Variants in MBNL2 observed in about 807,000 individuals in gnomAD.
The protein encoded by MBNL2 is muscleblind like splicing regulator 2.
MBNL2 carries 17 observed loss-of-function variants against 41.9 expected under a neutral mutation model. The ratio of observed to expected loss-of-function variants is 0.41; its 90% CI spans 0.28 to 0.61. MBNL2 has a LOEUF of 0.61. Ranked by LOEUF, MBNL2 falls within the 20% of genes least tolerant of loss-of-function variation. MBNL2 has a pLI of 0.35. For missense variants in MBNL2, 336 were observed against 505.6 expected, an observed-to-expected ratio of 0.66 and a Z score of 3.22; for synonymous variants, 195 against 182.9, an observed-to-expected ratio of 1.07 and a Z score of -0.53.
At chr13:97,322,287 T>C (rs78257056) in intron 2 of MBNL2, among the ~76,000 whole-genome samples, 18 of 152,242 alleles carry the variant, frequency 1.2e-4, no homozygotes, top group East Asian at 3.9e-4. Flanking sequence ...GGCTGTTTTT[T>C]CTGAAAAAAG....
chr13:97,151,199 C>T, the MBNL2 span, among the ~76,000 whole-genome samples: 10 of 152,270 alleles, frequency 6.6e-5, no homozygotes, highest in Admixed American at 1.3e-4. Flanking sequence ...AACTGAATTG[C>T]ACTTCAGAAA....
intron 7 of MBNL2, among the ~76,000 whole-genome samples, chr13:97,358,516 TAAAAG>T (rs1465022023): frequency 2.1e-4 from 32 of 152,210 alleles, no homozygotes; most frequent in African/African-American, 6.7e-4. Context: ...AAAAGTCAGA[TAAAAG>T]TAAAAAAACA....
the MBNL2 span, among the ~76,000 whole-genome samples, chr13:97,153,694 A>T: frequency 6.6e-6 from 1 of 152,200 alleles, no homozygotes; most frequent in South Asian, 2.1e-4. Context: ...ATCAAAGCAT[A>T]ATATGTACCT....
At chr13:97,251,530 A>T (rs1472593147) in intron 1 of MBNL2, among the ~76,000 whole-genome samples, 1 of 139,830 alleles carries the variant, frequency 7.2e-6, no homozygotes, top group Non-Finnish European at 1.5e-5. Flanking sequence ...TGCACAAAAA[A>T]GTCAGAAGCT....
At chr13:97,167,059 G>A in the MBNL2 span, among the ~76,000 whole-genome samples, 4 of 152,228 alleles carry the variant, frequency 2.6e-5, no homozygotes, top group South Asian at 6.2e-4. Flanking sequence ...GAAATGCCTT[G>A]AATATTACAG....
At chr13:97,226,896 T>C (rs1014700744) in intron 1 of MBNL2, among the ~76,000 whole-genome samples, 1 of 152,148 alleles carries the variant, frequency 6.6e-6, no homozygotes, top group Non-Finnish European at 1.5e-5. Flanking sequence ...CAGGAAGTCT[T>C]AGACTCCTGT....
At chr13:97,270,519 T>G (rs1024351971) in intron 1 of MBNL2, among the ~76,000 whole-genome samples, 1 of 152,206 alleles carries the variant, frequency 6.6e-6, no homozygotes, top group Non-Finnish European at 1.5e-5. Context: ...CTTGGTCTAA[T>G]CACACTAAAA....
the MBNL2 span, among the ~76,000 whole-genome samples, chr13:97,145,492 G>C: frequency 6.6e-6 from 1 of 152,256 alleles, no homozygotes; most frequent in Non-Finnish European, 1.5e-5. Flanking sequence ...GAACCTAGGT[G>C]TCTGAGGATG....
At chr13:97,188,538 C>A in the MBNL2 span, among the ~76,000 whole-genome samples, 7 of 152,006 alleles carry the variant, frequency 4.6e-5, no homozygotes, top group Non-Finnish European at 1.0e-4. Flanking sequence ...CTGCTTCCTG[C>A]AGCTTTCTGA....
In MBNL2 at chr13:97,334,250, C is replaced by A. The variant is rs1356318464; in HGVS notation, c.175-26C>A. 1.9e-6 allele frequency: 3 copies of A among 1,590,316 alleles called. No homozygotes were observed. The highest frequency in any genetic ancestry group is 2.3e-5 in the South Asian group (2 of 86,816). ...GGAGTTGCAAGCTACTTAAAATAGT[C>A]CTAAAACCAACACTTGTTTTTACAG... On this transcript the variant is annotated intron_variant, in intron 2 of 8. Coordinates refer to ENST00000679496, the MANE Select transcript of MBNL2 (RefSeq NM_001382683.1). The surrounding 1 kb of genome is among the most constrained non-coding windows in gnomAD (Gnocchi z 5.3).
At chr13:97,234,774 G>A (rs1445271398) in intron 1 of MBNL2, among the ~76,000 whole-genome samples, 2 of 152,272 alleles carry the variant, frequency 1.3e-5, no homozygotes, top group South Asian at 2.1e-4. Context: ...AGTGTTTAGA[G>A]ATAAGGTACA....
intron 1 of MBNL2, among the ~76,000 whole-genome samples, chr13:97,271,112 GT>G (rs369155404): frequency 0.44 from 58,487 of 133,132 alleles, 12,038 homozygotes; most frequent in East Asian, 0.52. Context: ...GCTCTTTTTT[GT>G]TTTTTTTTTT....
At chr13:97,256,436 G>A (rs1041181253) in intron 1 of MBNL2, among the ~76,000 whole-genome samples, 1 of 151,958 alleles carries the variant, frequency 6.6e-6, no homozygotes, top group African/African-American at 2.4e-5. Flanking sequence ...CTGGGAAATT[G>A]GTTATAGCAA....
chr13:97,304,754 C>T (rs2057966486), intron 2 of MBNL2, among the ~76,000 whole-genome samples: 1 of 152,116 alleles, frequency 6.6e-6, no homozygotes, highest in Non-Finnish European at 1.5e-5. Context: ...TGCATTATTA[C>T]ATATATATTA....
chr13:97,349,842 A>G (rs1187019319), intron 5 of MBNL2, among the ~76,000 whole-genome samples: 4 of 152,212 alleles, frequency 2.6e-5, no homozygotes, highest in African/African-American at 9.6e-5. Context: ...ACCCAGGACC[A>G]AGGCTTTGGA....
intron 1 of MBNL2, among the ~76,000 whole-genome samples, chr13:97,244,786 A>G (rs1222744364): frequency 6.6e-6 from 1 of 152,192 alleles, no homozygotes; most frequent in East Asian, 1.9e-4. Context: ...TGGGTGAGAG[A>G]TACACCAGGT....
chr13:97,167,657 A>G, the MBNL2 span, among the ~76,000 whole-genome samples: 1 of 152,198 alleles, frequency 6.6e-6, no homozygotes, highest in Non-Finnish European at 1.5e-5. Flanking sequence ...TAATTTAATC[A>G]TAAAGCAGAG....
chr13:97,142,123 G>A, the MBNL2 span, among the ~76,000 whole-genome samples: 1 of 152,010 alleles, frequency 6.6e-6, no homozygotes, highest in Non-Finnish European at 1.5e-5. Flanking sequence ...AAACTCAGAG[G>A]GTTTCTCTAT....
the MBNL2 span, among the ~76,000 whole-genome samples, chr13:97,207,344 C>T: frequency 2.0e-5 from 3 of 152,070 alleles, no homozygotes; most frequent in Non-Finnish European, 4.4e-5. Flanking sequence ...AAAGACATAC[C>T]CAAGACTGGG....
Sources: gnomAD v4.1 joint callset for allele counts (sites outside exome capture counted in the v4.1 genomes callset) on GRCh38, gnomAD v4.1.1 for gene constraint, Gnocchi (gnomAD v3.1) non-coding constraint, MANE v1.5 for transcripts, NCBI Gene and HGNC (gene_info 2026-07-23, HGNC 2026-07-21) for gene names.